ELMOD1: variants seen among roughly 807,000 people sequenced by gnomAD.
ELMOD1 encodes ELMO domain-containing protein 1.
ELMOD1 carries 21 observed loss-of-function variants against 46.7 expected under a neutral mutation model. The observed-to-expected ratio is 0.45, with a 90% CI of 0.32 to 0.65. The LOEUF (loss-of-function observed/expected upper bound fraction) is 0.65. ELMOD1 is among the 30% of genes least tolerant of loss of function. The pLI is 0.04. For missense variants in ELMOD1, 348 were observed against 407.8 expected, an observed-to-expected ratio of 0.85 and a Z score of 1.26; for synonymous variants, 122 against 138.2, an observed-to-expected ratio of 0.88 and a Z score of 0.82.
chr11:107,638,035 C>T (rs1866259694), intron 6 of ELMOD1, among the ~76,000 whole-genome samples: 1 of 152,302 alleles, frequency 6.6e-6, no homozygotes, highest in East Asian at 1.9e-4. Flanking sequence ...CCTGTATCCT[C>T]ATCACATATA....
At chr11:107,648,128 A>G (rs1300236005) in intron 7 of ELMOD1, among the ~76,000 whole-genome samples, 3 of 152,116 alleles carry the variant, frequency 2.0e-5, no homozygotes, top group Non-Finnish European at 4.4e-5. Flanking sequence ...TCCATATTCA[A>G]ATTTCCCAGT....
At chr11:107,595,190 CA>C (rs1317109224) in intron 1 of ELMOD1, among the ~76,000 whole-genome samples, 2 of 151,224 alleles carry the variant, frequency 1.3e-5, no homozygotes, top group Admixed American at 6.6e-5. Context: ...AGAAGAGCCT[CA>C]TGTGTTTGAG....
At chr11:107,603,525 C>T (rs1411284761) in intron 1 of ELMOD1, among the ~76,000 whole-genome samples, 7 of 151,880 alleles carry the variant, frequency 4.6e-5, no homozygotes, top group Non-Finnish European at 7.4e-5. Flanking sequence ...GGCGATAGAG[C>T]GAGACCCTGT....
chr11:107,614,916 A>G (rs752425668), intron 1 of ELMOD1, among the ~76,000 whole-genome samples: 3 of 151,966 alleles, frequency 2.0e-5, no homozygotes, highest in Non-Finnish European at 4.4e-5. Context: ...AGAACCCCCA[A>G]CCCCTACATC....
At position 107,666,157 on chromosome 11, in the gene ELMOD1, C is replaced by G. The variant is rs1210248542; in HGVS notation, c.*960C>G. 6 of 152,134 alleles carry G rather than the reference C, an allele frequency of 3.9e-5. No homozygotes were observed. Among genetic ancestry groups the G allele is most frequent in the African/African-American group, 1.4e-4 (6 of 41,416 alleles). 9.4% of individuals were successfully genotyped at this position (152,134 alleles called of 1,614,324 possible). ...AATTATATTGTAACTTCCCCTCACC[C>G]CAGTTGCAATTGTGTCATAGTCATC... On this transcript the variant is annotated 3_prime_UTR_variant, in exon 12 of 12. Coordinates refer to ENST00000265840, the MANE Select transcript of ELMOD1 (RefSeq NM_018712.4).
chr11:107,644,949 ACT>A (rs1866398084), intron 6 of ELMOD1, among the ~76,000 whole-genome samples: 1 of 143,728 alleles, frequency 7.0e-6, no homozygotes, highest in African/African-American at 2.7e-5. Context: ...TTTTTGATAG[ACT>A]CTCACTCTGT....
chr11:107,599,755 A>AAAAAAAAAG (rs1555058610), intron 1 of ELMOD1, among the ~76,000 whole-genome samples: 191 of 138,808 alleles, frequency 1.4e-3, no homozygotes, highest in African/African-American at 5.6e-3. Context: ...AAAAAAAGAA[A>AAAAAAAAAG]AAAAGAAAAG....
chr11:107,612,698 T>G (rs1012511991), intron 1 of ELMOD1, among the ~76,000 whole-genome samples: 8 of 152,196 alleles, frequency 5.3e-5, no homozygotes, highest in Admixed American at 5.2e-4. Context: ...ACAGCTATGA[T>G]TTGCTAAACA....
intron 1 of ELMOD1, among the ~76,000 whole-genome samples, chr11:107,595,429 T>TA (rs985730190): frequency 3.9e-5 from 6 of 152,218 alleles, no homozygotes; most frequent in South Asian, 2.1e-4. Context: ...TAGTATATGA[T>TA]AAAAAAATAT....
chr11:107,640,139 G>A (rs1866296145), intron 6 of ELMOD1, among the ~76,000 whole-genome samples: 1 of 152,082 alleles, frequency 6.6e-6, no homozygotes, highest in South Asian at 2.1e-4. Flanking sequence ...GAGTAGCTGG[G>A]ATTACAGGCA....
At chr11:107,643,965 T>A in intron 6 of ELMOD1, 1 of 163,638 alleles carries the variant, frequency 6.1e-6, no homozygotes, top group Non-Finnish European at 1.3e-5. Flanking sequence ...AAAATGAAAT[T>A]TCTTTTTAAA....
At chr11:107,605,523 C>G (rs1865671241) in intron 1 of ELMOD1, among the ~76,000 whole-genome samples, 1 of 152,146 alleles carries the variant, frequency 6.6e-6, no homozygotes, top group Non-Finnish European at 1.5e-5. Context: ...TTTCATCAAT[C>G]CTGCATCCTC....
At chr11:107,644,575 C>G (rs1866385364) in intron 6 of ELMOD1, among the ~76,000 whole-genome samples, 1 of 151,058 alleles carries the variant, frequency 6.6e-6, no homozygotes. Context: ...CCCGGGTTCA[C>G]GCCATTCTCC....
At chr11:107,618,882 A>C (rs1205365623) in intron 2 of ELMOD1, among the ~76,000 whole-genome samples, 1 of 152,164 alleles carries the variant, frequency 6.6e-6, no homozygotes, top group Non-Finnish European at 1.5e-5. Context: ...TTCCCAGATA[A>C]ATTTTGCATA....
intron 3 of ELMOD1, 33 bp from the exon 4 acceptor site, chr11:107,630,667 T>C (rs766676566): frequency 6.2e-7 from 1 of 1,606,600 alleles, no homozygotes; most frequent in Non-Finnish European, 8.5e-7. Flanking sequence ...AAGGATAATC[T>C]TTGAATGACT....
At chr11:107,643,684 C>T (rs1379445004) in intron 6 of ELMOD1, 1 of 522,832 alleles carries the variant, frequency 1.9e-6, no homozygotes, top group South Asian at 1.4e-5. Flanking sequence ...GTTCATACTT[C>T]CATATACCTG....
intron 2 of ELMOD1, among the ~76,000 whole-genome samples, chr11:107,627,280 C>A (rs1308362205): frequency 1.3e-5 from 2 of 152,120 alleles, no homozygotes; most frequent in Non-Finnish European, 2.9e-5. Flanking sequence ...TATGAAAGAA[C>A]AAGCAGCGTA....
chr11:107,638,775 T>C (rs1866272806), intron 6 of ELMOD1, among the ~76,000 whole-genome samples: 1 of 152,226 alleles, frequency 6.6e-6, no homozygotes, highest in African/African-American at 2.4e-5. Flanking sequence ...GCTGCTATCC[T>C]AGTTTAAAGG....
At chr11:107,594,826 G>A (rs572080704) in intron 1 of ELMOD1, among the ~76,000 whole-genome samples, 1 of 152,262 alleles carries the variant, frequency 6.6e-6, no homozygotes, top group Non-Finnish European at 1.5e-5. Flanking sequence ...TAAAAAACTA[G>A]ATTCTGATGA....
Sources: allele counts gnomAD v4.1 joint callset (sites outside exome capture counted in the v4.1 genomes callset), GRCh38; gene constraint gnomAD v4.1.1; transcripts MANE v1.5; gene names NCBI Gene and HGNC (gene_info 2026-07-23, HGNC 2026-07-21).